Variants in CPD observed in about 807,000 individuals in gnomAD.
The protein encoded by CPD is carboxypeptidase D.
A neutral mutation model predicts 138.3 loss-of-function variants in CPD; 69 were observed. The ratio of observed to expected loss-of-function variants is 0.50; its 90% CI spans 0.41 to 0.61. The LOEUF is 0.61. Among genes scored for constraint, CPD ranks in the 20% least tolerant of loss-of-function variants. CPD has a pLI of 0.00. For missense variants in CPD, 1,432 were observed against 1,733.3 expected, an observed-to-expected ratio of 0.83 and a Z score of 3.09; for synonymous variants, 651 against 642.1, an observed-to-expected ratio of 1.01 and a Z score of -0.21.
intron 2 of CPD, among the ~76,000 whole-genome samples, chr17:30,407,815 G>A (rs1178919426): frequency 2.0e-5 from 3 of 152,126 alleles, no homozygotes; most frequent in Non-Finnish European, 4.4e-5. Flanking sequence ...AAGCTCTTTA[G>A]TTTAGTTAGA....
intron 8 of CPD, among the ~76,000 whole-genome samples, chr17:30,437,876 AC>A (rs576578922): frequency 9.9e-5 from 15 of 151,850 alleles, no homozygotes; most frequent in Admixed American, 3.9e-4. Context: ...TTGCTTTGTC[AC>A]CCAGGCTGTA....
At position 30,384,388 on chromosome 17, in the gene CPD, A is replaced by T. The variant is rs188919419; in HGVS notation, c.747-601A>T. Among the ~76,000 whole-genome samples, 4 of 152,308 alleles carry T rather than the reference A, an allele frequency of 2.6e-5. No individual in the cohort carries two copies. The East Asian group carries it at 5.8e-4, about 22-fold the overall frequency. The stretch of plus-strand genomic sequence containing the variant: ...AATGTAAAAAGCATAAAAGTTATTA[A>T]CCTAACATATATGCAATGAATATTT... On this transcript the variant is annotated intron_variant, in intron 1 of 20. Transcript: ENST00000225719.
chr17:30,388,777 C>T (rs73277549), intron 2 of CPD, among the ~76,000 whole-genome samples: 2,627 of 152,202 alleles, frequency 0.017, 78 homozygotes, highest in African/African-American at 0.06. Context: ...GGGCCAGGGG[C>T]GACATTGCCA....
chr17:30,397,737 C>CAAAAAAA (rs71138885), intron 2 of CPD, among the ~76,000 whole-genome samples: 3 of 31,842 alleles, frequency 9.4e-5, no homozygotes, highest in African/African-American at 2.0e-4. Context: ...ACTCCTGTCT[C>CAAAAAAA]AAAAAAAAAA....
At chr17:30,405,264 C>T (rs1290053279) in intron 2 of CPD, among the ~76,000 whole-genome samples, 2 of 152,016 alleles carry the variant, frequency 1.3e-5, no homozygotes, top group Admixed American at 6.6e-5. Context: ...GGGGAATAGT[C>T]AATTATGTAT....
intron 2 of CPD, among the ~76,000 whole-genome samples, chr17:30,409,583 G>C (rs936946811): frequency 6.6e-6 from 1 of 152,214 alleles, no homozygotes; most frequent in African/African-American, 2.4e-5. Flanking sequence ...TTAGTCTTGG[G>C]AGGGTGTATG....
At chr17:30,453,546 A>G (rs904070601) in intron 14 of CPD, among the ~76,000 whole-genome samples, 1 of 152,052 alleles carries the variant, frequency 6.6e-6, no homozygotes, top group Non-Finnish European at 1.5e-5. Context: ...GCTGGCATTG[A>G]GTGTCTGTGG....
chr17:30,401,270 T>C (rs1045411612), intron 2 of CPD, among the ~76,000 whole-genome samples: 1 of 151,832 alleles, frequency 6.6e-6, no homozygotes, highest in African/African-American at 2.4e-5. Context: ...CTTCTCCTCC[T>C]CCTTCTTCCT....
At chr17:30,404,765 C>G (rs1425811514) in intron 2 of CPD, among the ~76,000 whole-genome samples, 1 of 151,538 alleles carries the variant, frequency 6.6e-6, no homozygotes, top group Non-Finnish European at 1.5e-5. Context: ...TTTAAAATTT[C>G]TGATGGCAGC....
chr17:30,425,768 A>AT (rs1172930193), intron 6 of CPD, among the ~76,000 whole-genome samples: 1 of 152,114 alleles, frequency 6.6e-6, no homozygotes, highest in East Asian at 1.9e-4. Context: ...CTTTAATATA[A>AT]TTTGTCTAAT....
intron 2 of CPD, among the ~76,000 whole-genome samples, chr17:30,418,188 CT>C (rs918759605): frequency 4.2e-5 from 6 of 143,372 alleles, no homozygotes; most frequent in African/African-American, 1.3e-4. Context: ...TCATTTTTTT[CT>C]TTTTTTTTCC....
chr17:30,446,335 C>A (rs1913031502), intron 12 of CPD, among the ~76,000 whole-genome samples: 1 of 152,046 alleles, frequency 6.6e-6, no homozygotes, highest in Non-Finnish European at 1.5e-5. Flanking sequence ...CTACCCCTAC[C>A]CCACAACAGA....
Position 30,379,843 on chromosome 17 carries a change from A to G in CPD, c.746+117A>G. 2.9e-6 allele frequency: 2 copies of G among 696,340 alleles called. No individual in the cohort carries two copies. The highest frequency in any genetic ancestry group is 3.6e-5 in the South Asian group (1 of 27,448). The allele number at this position is 696,340 out of a possible 1,614,324, so 43.1% of individuals were successfully genotyped here. A position where few individuals can be genotyped will look rare whatever the true frequency, so the allele number is the denominator to read the frequency against. ...TAAGGGGTGGCGGTGGTGAAGGTGA[A>G]GGGAGACACCCTGTAACGGGGACAG... On this transcript the variant is annotated intron_variant, in intron 1 of 20. Transcript: ENST00000225719. The surrounding 1 kb of genome is among the most constrained non-coding windows in gnomAD (Gnocchi z 7.0).
At position 30,421,695 on chromosome 17, in the gene CPD, A is replaced by G. The variant is rs997000240; in HGVS notation, c.1169A>G (p.Asp390Gly). 6.2e-7 allele frequency: 1 copy of G among 1,613,820 alleles called. No homozygotes were observed. The highest frequency in any genetic ancestry group is 2.2e-5 in the East Asian group (1 of 44,848). ...VHIGVKGFVK[D>G]SITGSGLENA... The stretch of plus-strand genomic sequence containing the variant: ...ATTGGAGTGAAAGGATTTGTTAAAG[A>G]TTCCATAACAGGATCTGGGTTAGAG... Residue 390 changes from aspartate (D) to glycine (G), a missense_variant, in exon 4 of 21, where the codon GAT becomes GGT. Physicochemically the swap from Asp to Gly is moderately conservative, Grantham distance 94. Around this residue, in one of 6 missense-constraint regions of CPD, gnomAD observed 160 missense variants for 197.9 expected, o/e 0.81. Transcript: ENST00000225719.
rs1567866694 is a variant in CPD, at chr17:30,394,115, CCTTTTTTT to C, written c.994+8880_994+8887del. Among the ~76,000 whole-genome samples, 19 of 98,062 alleles carry C rather than the reference CCTTTTTTT, an allele frequency of 1.9e-4. 1 individual carries two copies. The South Asian group carries it at 6.0e-3, about 31-fold the overall frequency. 64.3% of individuals were successfully genotyped at this position (98,062 alleles called of 152,430 possible). A position where few individuals can be genotyped will look rare whatever the true frequency, so the allele number is the denominator to read the frequency against. On this transcript the variant is annotated intron_variant, in intron 2 of 20. Coordinates refer to ENST00000225719, the MANE Select transcript of CPD (RefSeq NM_001304.5). ...CTATGATTGCACCACTGCACTCCAG[CCTTTTTTT>C]TTTTTTTTTTTTTTTTTTTTTTGAC...
rs748073994 is a variant in CPD at position 30,379,574 on chromosome 17, C to T, written c.594C>T (p.Gly198=). The T allele has an allele frequency of 6.6e-7, 1 of 1,518,258 alleles. No homozygotes were observed. Among genetic ancestry groups the T allele is most frequent in the Non-Finnish European group, 8.7e-7 (1 of 1,145,192 alleles). The allele number at this position is 1,518,258 out of a possible 1,614,324, so 94.0% of individuals were successfully genotyped here. A position where few individuals can be genotyped will look rare whatever the true frequency, so the allele number is the denominator to read the frequency against. ...CCCGCGAGGGCGACTGTGGCTTCGG[C>T]GACGGCGGCCCGTCCGGGGCCAGCG... ...ERAREGDCGF[G]DGGPSGASGR... is the part of the protein sequence containing the mutation. The change falls in exon 1 of 21, where the codon GGC becomes GGT. Residue 198 remains glycine, a synonymous_variant. Coordinates refer to ENST00000225719, the MANE Select transcript of CPD (RefSeq NM_001304.5). This position sits in a 1 kb window ranked among gnomAD's most constrained non-coding sequence, Gnocchi z 7.0.
intron 17 of CPD, among the ~76,000 whole-genome samples, chr17:30,457,557 A>AC (rs538364261): frequency 3.3e-5 from 5 of 152,168 alleles, no homozygotes; most frequent in Non-Finnish European, 7.3e-5. Flanking sequence ...CTTTTGAGGA[A>AC]CCACCAAACT....
chr17:30,444,184 A>G (rs1912959648), intron 11 of CPD: 1 of 424,228 alleles, frequency 2.4e-6, no homozygotes, highest in East Asian at 3.5e-5. Flanking sequence ...TAAATATTCT[A>G]GTTATTGCTT....
chr17:30,436,945 T>TA (rs1912719987), intron 8 of CPD, among the ~76,000 whole-genome samples: 1 of 152,074 alleles, frequency 6.6e-6, no homozygotes, highest in Admixed American at 6.5e-5. Flanking sequence ...TATTCAGCCA[T>TA]AAAAAGTAAT....
Sources: allele counts gnomAD v4.1 joint callset (sites outside exome capture counted in the v4.1 genomes callset), GRCh38; gene constraint gnomAD v4.1.1; regional missense constraint gnomAD v4.1.1; non-coding constraint Gnocchi (gnomAD v3.1); transcripts MANE v1.5; gene names NCBI Gene and HGNC (gene_info 2026-07-23, HGNC 2026-07-21).